PRKN: variants seen among roughly 807,000 people sequenced by gnomAD.
PRKN encodes parkin RBR E3 ubiquitin protein ligase.
PRKN carries 56 observed loss-of-function variants against 59.5 expected under a neutral mutation model. The ratio of observed to expected loss-of-function variants is 0.94; its 90% CI spans 0.76 to 1.18. The LOEUF is 1.18. PRKN is among the 50% of genes most tolerant of loss of function. PRKN has a pLI of 0.00. For missense variants in PRKN, 657 were observed against 596.4 expected, an observed-to-expected ratio of 1.10 and a Z score of -1.06; for synonymous variants, 250 against 222.1, an observed-to-expected ratio of 1.13 and a Z score of -1.12.
At position 161,483,574 on chromosome 6, in the gene PRKN, A is replaced by G. The variant is rs1025489546; in HGVS notation, c.1083+65280T>C. Among the ~76,000 whole-genome samples the G allele has an allele frequency of 6.6e-6, 1 of 152,170 alleles. No individual in the cohort carries two copies. Among genetic ancestry groups the G allele is most frequent in the Non-Finnish European group, 1.5e-5 (1 of 68,022 alleles). ...AATTCACTAAACTTCAATAAGCTAC[A>G]ATTCTATCCTTACCTCACATGTCAC... On this transcript the variant is annotated intron_variant, in intron 9 of 11. Transcript: ENST00000366898. The surrounding 1 kb of genome is among the most constrained non-coding windows in gnomAD (Gnocchi z 5.0).
intron 2 of PRKN, among the ~76,000 whole-genome samples, chr6:162,363,481 C>T (rs1785261029): frequency 6.6e-6 from 1 of 152,086 alleles, no homozygotes; most frequent in South Asian, 2.1e-4. Context: ...ACTATTTATT[C>T]TTCCATACTT....
intron 9 of PRKN, among the ~76,000 whole-genome samples, chr6:161,438,030 G>A (rs774733429): frequency 1.6e-4 from 24 of 152,076 alleles, no homozygotes; most frequent in Non-Finnish European, 3.2e-4. Flanking sequence ...GAGCTGGTGT[G>A]AGTCGTACTA....
At chr6:162,177,325 G>A (rs1783585891) in intron 4 of PRKN, among the ~76,000 whole-genome samples, 1 of 152,160 alleles carries the variant, frequency 6.6e-6, no homozygotes, top group African/African-American at 2.4e-5. Context: ...TTATTTCTAT[G>A]TGTGAGTGTG....
rs751161838 is a variant in PRKN, at chr6:162,590,598, CAGTTTCACTAAAGCCCACATCACACAT to C, written c.7+137037_7+137063del. ...TCTTGAATGGGATTGCAACCTAAAT[CAGTTTCACTAAAGCCCACATCACACAT>C]AGACAGCTGGCTCTAGTCTTAATGA... On this transcript the variant is annotated intron_variant, in intron 1 of 11. Transcript: ENST00000366898. 3.3e-3 allele frequency among the ~76,000 whole-genome samples: 510 copies of C among 152,256 alleles called. 2 individuals are homozygous for C. The highest frequency in any genetic ancestry group is 4.8e-3 in the Non-Finnish European group (329 of 68,024).
chr6:162,710,646 A>AC (rs1778502567), intron 1 of PRKN, among the ~76,000 whole-genome samples: 1 of 152,074 alleles, frequency 6.6e-6, no homozygotes, highest in African/African-American at 2.4e-5. Context: ...GATGTATTAC[A>AC]CATTTGCACG....
At chr6:162,104,279 G>T (rs1309289863) in intron 4 of PRKN, among the ~76,000 whole-genome samples, 1 of 152,140 alleles carries the variant, frequency 6.6e-6, no homozygotes, top group Admixed American at 6.6e-5. Flanking sequence ...GCCTCCTGAC[G>T]CCTGAACACA....
rs1351350007 is a variant in PRKN, at chr6:161,756,581, TTC to T, written c.871+29189_871+29190del. 1.3e-3 allele frequency among the ~76,000 whole-genome samples: 201 copies of T among 151,494 alleles called. 1 individual carries two copies. Among genetic ancestry groups the T allele is most frequent in the African/African-American group, 4.6e-3 (192 of 41,314 alleles). Reference sequence around the variant, plus strand: ...ATTTTTCTTTCCTTTTCTTCTTTCCTTCTCTCTCTCTCTCCCCCTACCTCCTC... The same window carrying T: ...ATTTTTCTTTCCTTTTCTTCTTTCCTTCTCTCTCTCTCCCCCTACCTCCTC... On this transcript the variant is annotated intron_variant, in intron 7 of 11. Coordinates refer to ENST00000366898, the MANE Select transcript of PRKN (RefSeq NM_004562.3).
chr6:162,474,363 T>A (rs1178447781), intron 1 of PRKN, among the ~76,000 whole-genome samples: 1 of 152,170 alleles, frequency 6.6e-6, no homozygotes, highest in Non-Finnish European at 1.5e-5. Context: ...ATGACTAAAT[T>A]GTGAAAATAT....
chr6:162,089,201 G>A (rs1307933387), intron 4 of PRKN, among the ~76,000 whole-genome samples: 1 of 152,030 alleles, frequency 6.6e-6, no homozygotes, highest in African/African-American at 2.4e-5. Flanking sequence ...AACTTAACAA[G>A]GAGAAGACAA....
At chr6:161,828,949 G>A (rs1400792799) in intron 6 of PRKN, among the ~76,000 whole-genome samples, 3 of 151,678 alleles carry the variant, frequency 2.0e-5, no homozygotes, top group Non-Finnish European at 2.9e-5. Context: ...AAAAAGAGCC[G>A]GTTGCGACGG....
chr6:162,636,590 C>T (rs977282341), intron 1 of PRKN, among the ~76,000 whole-genome samples: 1 of 152,170 alleles, frequency 6.6e-6, no homozygotes, highest in Non-Finnish European at 1.5e-5. Context: ...TTCTGTTCTC[C>T]AAGTTTTCAC....
intron 1 of PRKN, among the ~76,000 whole-genome samples, chr6:162,531,739 T>C (rs1013108189): frequency 3.9e-5 from 6 of 152,128 alleles, no homozygotes; most frequent in Admixed American, 3.3e-4. Context: ...ATCTTGTCGC[T>C]AATGGTAGTC....
At chr6:161,821,195 C>T (rs879725384) in intron 6 of PRKN, among the ~76,000 whole-genome samples, 35 of 152,028 alleles carry the variant, frequency 2.3e-4, no homozygotes, top group Non-Finnish European at 4.6e-4. Flanking sequence ...CCCAAACATA[C>T]TCACTCTTTG....
At chr6:162,506,933 AT>A (rs1793636547) in intron 1 of PRKN, among the ~76,000 whole-genome samples, 2 of 152,176 alleles carry the variant, frequency 1.3e-5, no homozygotes, top group South Asian at 4.1e-4. Flanking sequence ...ACCATCCCAT[AT>A]TTTGAGGAAA....
intron 9 of PRKN, among the ~76,000 whole-genome samples, chr6:161,433,780 GC>G (rs1461961350): frequency 6.6e-6 from 1 of 151,768 alleles, no homozygotes; most frequent in Admixed American, 6.6e-5. Context: ...ACTTTGGGAG[GC>G]CGAGGCAAGC....
At chr6:162,217,310 T>A (rs926064193) in intron 3 of PRKN, among the ~76,000 whole-genome samples, 1 of 152,110 alleles carries the variant, frequency 6.6e-6, no homozygotes, top group Non-Finnish European at 1.5e-5. Context: ...AACACACACA[T>A]CCACATGTTC....
At chr6:162,085,064 CAAAG>C (rs5881450) in intron 4 of PRKN, among the ~76,000 whole-genome samples, 56,062 of 149,232 alleles carry the variant, frequency 0.38, 11,344 homozygotes, top group East Asian at 0.61. Context: ...AACACACACA[CAAAG>C]AGAGAGACTC....
At chr6:162,240,826 G>A (rs9346907) in intron 3 of PRKN, among the ~76,000 whole-genome samples, 2,954 of 152,246 alleles carry the variant, frequency 0.019, 46 homozygotes, top group East Asian at 0.06. Context: ...GTACCATTCA[G>A]TTCAACACAT....
chr6:161,839,321 A>G (rs1792887985), intron 6 of PRKN, among the ~76,000 whole-genome samples: 1 of 152,134 alleles, frequency 6.6e-6, no homozygotes, highest in African/African-American at 2.4e-5. Context: ...CTCCAGGTAT[A>G]CAATGTGCAC....
Sources: gnomAD v4.1 joint callset for allele counts (sites outside exome capture counted in the v4.1 genomes callset) on GRCh38, gnomAD v4.1.1 for gene constraint, Gnocchi (gnomAD v3.1) non-coding constraint, MANE v1.5 for transcripts, NCBI Gene and HGNC (gene_info 2026-07-23, HGNC 2026-07-21) for gene names.